The following ROR1 variants were observed in gnomAD, a reference collection of about 807,000 sequenced individuals.
ROR1 encodes the protein ROR family WNT receptor 1, also known as inactive tyrosine-protein kinase transmembrane receptor ROR1.
Under a neutral mutation model 78.8 loss-of-function variants are expected in ROR1, and 19 were observed. The ratio of observed to expected loss-of-function variants is 0.24; its 90% confidence interval spans 0.17 to 0.35. ROR1 has a LOEUF of 0.35. ROR1 is among the 10% of genes least tolerant of loss of function. The pLI is 1.00. For missense variants in ROR1, 917 were observed against 1,177.8 expected (o/e 0.78, Z 3.24); for synonymous variants, 386 against 433.6 (o/e 0.89, Z 1.36).
chr1:63,911,782 G>A (rs1330061826), intron 1 of ROR1, among the ~76,000 whole-genome samples: 1 of 152,142 alleles, frequency 6.6e-6, no homozygotes, highest in East Asian at 1.9e-4. Flanking sequence ...AAAAGTTTAA[G>A]CCACAAAGCA....
Position 63,778,762 on chromosome 1 carries a change from C to G in ROR1, c.91+4254C>G, listed in dbSNP as rs1644632626. ...GAGATAGCATAATTAGCTCATTTTA[C>G]TGATGGGTAAACTTAGGCACAGAGA... is the stretch of plus-strand genomic sequence containing the variant. On this transcript the variant is annotated intron_variant, in intron 1 of 8. Coordinates refer to ENST00000371079, the MANE Select transcript of ROR1 (RefSeq NM_005012.4). Among the ~76,000 whole-genome samples, 5 of 152,204 alleles carry G rather than the reference C, an allele frequency of 3.3e-5. No individual in the cohort carries two copies. In the South Asian group the frequency reaches 1.0e-3, roughly 32 times the overall value.
intron 1 of ROR1, among the ~76,000 whole-genome samples, chr1:63,950,159 T>C (rs1645923608): frequency 6.6e-6 from 1 of 152,242 alleles, no homozygotes; most frequent in East Asian, 1.9e-4. Context: ...GATTCTTGGA[T>C]CTTGCGCAAG....
chr1:63,919,174 T>G (rs1263374918), intron 1 of ROR1, among the ~76,000 whole-genome samples: 3 of 152,344 alleles, frequency 2.0e-5, no homozygotes, highest in South Asian at 4.1e-4. Flanking sequence ...GCCTCATTTT[T>G]ATTTAACATT....
intron 8 of ROR1, among the ~76,000 whole-genome samples, chr1:64,175,852 A>G (rs1650363868): frequency 6.6e-6 from 1 of 152,238 alleles, no homozygotes; most frequent in Non-Finnish European, 1.5e-5. Context: ...CAAATTATCT[A>G]AACTGTTGTT....
chr1:63,926,129 A>C (rs982959663), intron 1 of ROR1, among the ~76,000 whole-genome samples: 1 of 151,922 alleles, frequency 6.6e-6, no homozygotes, highest in African/African-American at 2.4e-5. Context: ...GTTTTCTTCT[A>C]GGGTTTTTAT....
In ROR1 at chr1:64,177,566, A is replaced by G. The variant is rs2100746052; in HGVS notation, c.1525A>G (p.Lys509Glu). The G allele has an allele frequency of 2.5e-6, 4 of 1,614,200 alleles. No individual in the cohort carries two copies. Among genetic ancestry groups the G allele is most frequent in the East Asian group, 2.2e-5 (1 of 44,878 alleles). ...TCAGCTGGTTGCTATCAAGACCTTG[A>G]AAGACTATAACAACCCCCAGCAATG... ...HAQLVAIKTL[K>E]DYNNPQQWTE... The change falls in exon 9 of 9, where the codon AAA becomes GAA. Residue 509 changes from lysine to glutamate, a missense_variant. Physicochemically the swap from Lys to Glu is moderately conservative, Grantham distance 56. Transcript: ENST00000371079.
At chr1:64,049,050 T>C (rs1216276718) in intron 2 of ROR1, among the ~76,000 whole-genome samples, 1 of 152,196 alleles carries the variant, frequency 6.6e-6, no homozygotes, top group Admixed American at 6.5e-5. Flanking sequence ...AATTAATCTA[T>C]ATATATGTGA....
At chr1:63,928,209 A>G (rs957639636) in intron 1 of ROR1, among the ~76,000 whole-genome samples, 5 of 152,102 alleles carry the variant, frequency 3.3e-5, no homozygotes, top group Admixed American at 3.3e-4. Context: ...ATTTTGGAGG[A>G]CGGATTTACT....
chr1:63,892,220 G>A (rs191463186), intron 1 of ROR1, among the ~76,000 whole-genome samples: 1 of 152,162 alleles, frequency 6.6e-6, no homozygotes, highest in Non-Finnish European at 1.5e-5. Context: ...AGGGGAAAAG[G>A]TACAAGGAAC....
intron 1 of ROR1, among the ~76,000 whole-genome samples, chr1:63,900,912 G>A (rs1645480145): frequency 2.0e-5 from 3 of 152,120 alleles, no homozygotes; most frequent in African/African-American, 7.2e-5. Flanking sequence ...TGTGGGCCAG[G>A]CATTCTCCTA....
chr1:63,793,419 A>G (rs1644738636), intron 1 of ROR1, among the ~76,000 whole-genome samples: 1 of 152,254 alleles, frequency 6.6e-6, no homozygotes, highest in Non-Finnish European at 1.5e-5. Context: ...GCATAACATT[A>G]TGGCTATCCC....
At chr1:63,946,746 A>T (rs77464895) in intron 1 of ROR1, among the ~76,000 whole-genome samples, 1 of 152,142 alleles carries the variant, frequency 6.6e-6, no homozygotes, top group East Asian at 1.9e-4. Flanking sequence ...CAGGCTCTGT[A>T]TATCTGTGAC....
chr1:63,788,796 G>A, intron 1 of ROR1: 1 of 596,580 alleles, frequency 1.7e-6, no homozygotes, highest in Non-Finnish European at 3.2e-6. Flanking sequence ...TATGGCGCTT[G>A]CATGCTTCCT....
chr1:63,940,470 T>A (rs1645827834), intron 1 of ROR1, among the ~76,000 whole-genome samples: 1 of 145,894 alleles, frequency 6.9e-6, no homozygotes, highest in Non-Finnish European at 1.5e-5. Context: ...AGTACGTAGA[T>A]AGATAGATAG....
intron 2 of ROR1, among the ~76,000 whole-genome samples, chr1:64,041,255 C>T (rs1377431179): frequency 6.6e-6 from 1 of 152,094 alleles, no homozygotes; most frequent in Non-Finnish European, 1.5e-5. Context: ...CTGATAGAAT[C>T]AGTGCCTAAT....
rs186075958 is a variant in ROR1, at chr1:63,825,731, T to G, written c.91+51223T>G. ...CTGAATTTTTAATAGTGTCATATTATTCCATCATGTGAATGTTTTATTTCT... is the reference window on the plus strand; with the variant it reads ...CTGAATTTTTAATAGTGTCATATTAGTCCATCATGTGAATGTTTTATTTCT... On this transcript the variant is annotated intron_variant, in intron 1 of 8. Transcript: ENST00000371079. Among the ~76,000 whole-genome samples the G allele has an allele frequency of 3.3e-5, 5 of 152,376 alleles. 1 individual carries two copies. The highest frequency in any genetic ancestry group is 1.2e-4 in the African/African-American group (5 of 41,588).
chr1:63,852,710 A>G (rs1410641612), intron 1 of ROR1, among the ~76,000 whole-genome samples: 1 of 152,268 alleles, frequency 6.6e-6, no homozygotes, highest in Non-Finnish European at 1.5e-5. Flanking sequence ...GATCATTTTC[A>G]CTGGGAGAGT....
At chr1:63,905,595 A>C (rs1294141844) in intron 1 of ROR1, among the ~76,000 whole-genome samples, 7 of 152,216 alleles carry the variant, frequency 4.6e-5, no homozygotes, top group African/African-American at 1.7e-4. Flanking sequence ...ATGTGAAAAC[A>C]CTAGTTAAGT....
intron 4 of ROR1, among the ~76,000 whole-genome samples, chr1:64,104,723 G>T (rs1647719151): frequency 6.6e-6 from 1 of 152,092 alleles, no homozygotes; most frequent in East Asian, 1.9e-4. Flanking sequence ...TTGGTTTTCT[G>T]TTCTTGTGAT....
Sources: gnomAD v4.1 joint callset for allele counts (sites outside exome capture counted in the v4.1 genomes callset) on GRCh38, gnomAD v4.1.1 for gene constraint, MANE v1.5 for transcripts, NCBI Gene and HGNC (gene_info 2026-07-23, HGNC 2026-07-21) for gene names.